The following ELL variants were observed in gnomAD, a reference collection of about 807,000 sequenced individuals.
The protein encoded by ELL is elongation factor for RNA polymerase II, also known as RNA polymerase II elongation factor ELL.
ELL carries 18 observed loss-of-function variants against 64.0 expected under a neutral mutation model. That is an observed-to-expected ratio of 0.28 (90% CI 0.19 to 0.42). ELL has a LOEUF of 0.42. ELL is among the 10% of genes least tolerant of loss of function. The pLI is 1.00. For synonymous variants in ELL, 399 were observed against 376.2 expected, an observed-to-expected ratio of 1.06 and a Z score of -0.70; for missense variants, 797 against 870.4, an observed-to-expected ratio of 0.92 and a Z score of 1.06.
chr19:18,442,990 TAAACAACAA>T lies in ELL; in HGVS notation c.*1753_*1761del, dbSNP rs1388235671. ...CATAATTCCTTAAAAGGAGAACAAA[TAAACAACAA>T]AAACAACAACAACAACAAAAAGGCA... is the stretch of plus-strand genomic sequence containing the variant. On this transcript the variant is annotated 3_prime_UTR_variant, in exon 12 of 12. Transcript: ENST00000262809. The T allele has an allele frequency of 4.3e-6, 1 of 231,780 alleles. No homozygotes were observed. Among genetic ancestry groups the T allele is most frequent in the Non-Finnish European group, 8.5e-6 (1 of 117,082 alleles). The allele number at this position is 231,780 out of a possible 1,614,324, so 14.4% of individuals were successfully genotyped here. A position where few individuals can be genotyped will look rare whatever the true frequency, so the allele number is the denominator to read the frequency against.
chr19:18,477,372 T>A (rs921717017), intron 1 of ELL, among the ~76,000 whole-genome samples: 3 of 152,028 alleles, frequency 2.0e-5, no homozygotes, highest in Admixed American at 2.0e-4. Flanking sequence ...CAGCAGGGGA[T>A]CCCACGTGCA....
chr19:18,509,598 T>TACAC (rs1183127480), intron 1 of ELL, among the ~76,000 whole-genome samples: 3,103 of 81,644 alleles, frequency 0.038, 130 homozygotes, highest in East Asian at 0.068. Flanking sequence ...CGCGCGCACA[T>TACAC]ACACACACAC....
intron 1 of ELL, among the ~76,000 whole-genome samples, chr19:18,516,642 G>C (rs114009173): frequency 2.0e-5 from 3 of 152,028 alleles, no homozygotes; most frequent in Non-Finnish European, 2.9e-5. Context: ...GGCTCTGTAC[G>C]AACCTCCAGG....
At chr19:18,473,176 G>A (rs1377913088) in intron 1 of ELL, 2 of 653,008 alleles carry the variant, frequency 3.1e-6, no homozygotes, top group Non-Finnish European at 5.7e-6. Flanking sequence ...TGCAGGGGCG[G>A]GGAGTGTGCC....
In ELL at chr19:18,462,370, C is replaced by G. The variant is rs2891675; in HGVS notation, c.470-518G>C. Reference sequence around the variant, plus strand: ...GTGTGTGTGTGTGTGTGTGTTTGGGCGGGGGGCGGGGGGGGAAGGATTGTT... The same window carrying G: ...GTGTGTGTGTGTGTGTGTGTTTGGGGGGGGGGCGGGGGGGGAAGGATTGTT... On this transcript the variant is annotated intron_variant, in intron 4 of 11. Transcript: ENST00000262809. Among the ~76,000 whole-genome samples the G allele has an allele frequency of 1.3e-4, 3 of 23,050 alleles. 1 individual carries two copies. Among genetic ancestry groups the G allele is most frequent in the African/African-American group, 1.1e-3 (2 of 1,824 alleles). 15.1% of individuals were successfully genotyped at this position (23,050 alleles called of 152,430 possible). A position where few individuals can be genotyped will look rare whatever the true frequency, so the allele number is the denominator to read the frequency against.
At chr19:18,521,829 G>A in intron 1 of ELL, 92 bp downstream of exon 1, 4 of 1,472,390 alleles carry the variant, frequency 2.7e-6, no homozygotes, top group Non-Finnish European at 3.6e-6. Flanking sequence ...CAGACCTAGC[G>A]TCTCCGAGCC....
chr19:18,521,464 G>C (rs1300728263), intron 1 of ELL, among the ~76,000 whole-genome samples: 2 of 151,880 alleles, frequency 1.3e-5, no homozygotes, highest in Non-Finnish European at 2.9e-5. Context: ...CTTCCCAGGA[G>C]GACAGACACA....
intron 2 of ELL, among the ~76,000 whole-genome samples, chr19:18,470,633 C>T (rs571797535): frequency 6.6e-6 from 1 of 152,332 alleles, no homozygotes; most frequent in Admixed American, 6.5e-5. Flanking sequence ...CATGACATCC[C>T]GTCTAGGGGT....
chr19:18,511,296 G>C (rs560449023), intron 1 of ELL, among the ~76,000 whole-genome samples: 6 of 152,020 alleles, frequency 3.9e-5, no homozygotes, highest in Non-Finnish European at 7.4e-5. Flanking sequence ...TTGGCGTGGT[G>C]GTGGGCGCCT....
In ELL at chr19:18,442,875, GAA is replaced by G. The variant is rs11319408; in HGVS notation, c.*1875_*1876del. ...TTTTCTCCACAGTACAACATTAAAA[GAA>G]AAAAAAATAGTATCAATAAGTTAGA... On this transcript the variant is annotated 3_prime_UTR_variant, in exon 12 of 12. Coordinates refer to ENST00000262809, the MANE Select transcript of ELL (RefSeq NM_006532.4). 1 of 221,302 alleles carries G rather than the reference GAA, an allele frequency of 4.5e-6. No individual in the cohort carries two copies. Among genetic ancestry groups the G allele is most frequent in the African/African-American group, 2.2e-5 (1 of 44,554 alleles). The allele number at this position is 221,302 out of a possible 1,614,324, so 13.7% of individuals were successfully genotyped here.
At chr19:18,490,572 C>T (rs1306796305) in intron 1 of ELL, among the ~76,000 whole-genome samples, 1 of 152,188 alleles carries the variant, frequency 6.6e-6, no homozygotes, top group Non-Finnish European at 1.5e-5. Flanking sequence ...GTAACATAGA[C>T]CCCTCCTCAC....
At chr19:18,472,438 T>C (rs1488892024) in intron 2 of ELL, 1 of 219,282 alleles carries the variant, frequency 4.6e-6, no homozygotes, top group Non-Finnish European at 8.9e-6. Flanking sequence ...AAGAATCTAA[T>C]AACAGGCTCA....
At chr19:18,511,562 C>T (rs1020370089) in intron 1 of ELL, among the ~76,000 whole-genome samples, 1 of 152,152 alleles carries the variant, frequency 6.6e-6, no homozygotes, top group Non-Finnish European at 1.5e-5. Context: ...TGGATGAGCA[C>T]GATGTGGTCC....
At chr19:18,471,274 C>A (rs1975059303) in intron 2 of ELL, 2 of 372,090 alleles carry the variant, frequency 5.4e-6, no homozygotes, top group East Asian at 7.7e-5. Flanking sequence ...ACTTGAGAAG[C>A]TGAGGTGGGA....
intron 1 of ELL, among the ~76,000 whole-genome samples, chr19:18,485,711 G>C (rs889005355): frequency 6.6e-6 from 1 of 152,006 alleles, no homozygotes; most frequent in Non-Finnish European, 1.5e-5. Flanking sequence ...GGATGGGCCG[G>C]GCGCGGTGGC....
Position 18,444,580 on chromosome 19 carries a change from G to C in ELL, c.*172C>G. On this transcript the variant is annotated 3_prime_UTR_variant, in exon 12 of 12. Coordinates refer to ENST00000262809, the MANE Select transcript of ELL (RefSeq NM_006532.4). ...CTGCTCAGGAAGCGCAGGGAGGGCC[G>C]AGGTGGGCTTGCAGCCACCCGCCAG... 3.2e-6 allele frequency: 2 copies of C among 629,690 alleles called. No individual in the cohort carries two copies. Among genetic ancestry groups the C allele is most frequent in the Non-Finnish European group, 5.3e-6 (2 of 374,738 alleles). The allele number at this position is 629,690 out of a possible 1,614,324, so 39.0% of individuals were successfully genotyped here.
At chr19:18,454,238 G>A (rs571191086) in intron 6 of ELL, among the ~76,000 whole-genome samples, 9 of 152,294 alleles carry the variant, frequency 5.9e-5, no homozygotes, top group African/African-American at 1.2e-4. Context: ...GATGGCTCAC[G>A]CCTGTAATCC....
Position 18,465,535 on chromosome 19 carries a change from C to T in ELL, c.346G>A (p.Asp116Asn). The change falls in exon 4 of 12, where the codon GAC (aspartate) becomes AAC (asparagine). Residue 116 changes from aspartate to asparagine, a missense_variant. Physicochemically the swap from Asp to Asn is conservative, Grantham distance 23. Coordinates refer to ENST00000262809, the MANE Select transcript of ELL (RefSeq NM_006532.4). ...VHLDCLGSIQ[D>N]KITVCATDDS... Reference sequence around the variant, plus strand: ...TCGGTGGCACACACCGTGATCTTGTCCTGTATGCTGCCCAGGCAGTCCAGG... The same window carrying T: ...TCGGTGGCACACACCGTGATCTTGTTCTGTATGCTGCCCAGGCAGTCCAGG... 1 of 1,609,602 alleles carries T rather than the reference C, an allele frequency of 6.2e-7. No individual in the cohort carries two copies. The highest frequency in any genetic ancestry group is 8.5e-7 in the Non-Finnish European group (1 of 1,176,596).
At chr19:18,521,863 C>G in intron 1 of ELL, 58 bp downstream of exon 1, 1 of 1,523,772 alleles carries the variant, frequency 6.6e-7, no homozygotes, top group Non-Finnish European at 8.8e-7. Context: ...GAGGGGAGCG[C>G]GAGGCCGGCC....
Sources: allele counts gnomAD v4.1 joint callset (sites outside exome capture counted in the v4.1 genomes callset), GRCh38; gene constraint gnomAD v4.1.1; transcripts MANE v1.5; gene names NCBI Gene and HGNC (gene_info 2026-07-23, HGNC 2026-07-21).